Variants in EML1 observed in about 807,000 individuals in gnomAD.
The protein encoded by EML1 is echinoderm microtubule-associated protein-like 1.
A neutral mutation model predicts 110.4 loss-of-function variants in EML1; 27 were observed. The ratio of observed to expected loss-of-function variants is 0.24; its 90% confidence interval spans 0.18 to 0.34. The LOEUF (loss-of-function observed/expected upper bound fraction) is 0.34. Ranked by LOEUF, EML1 falls within the 10% of genes least tolerant of loss-of-function variation. EML1 has a pLI of 1.00. For missense variants in EML1, 741 were observed against 1,030.9 expected, an observed-to-expected ratio of 0.72 and a Z score of 3.85; for synonymous variants, 344 against 385.8, an observed-to-expected ratio of 0.89 and a Z score of 1.27.
At chr14:99,925,077 A>G (rs1278882506) in intron 17 of EML1, among the ~76,000 whole-genome samples, 1 of 152,136 alleles carries the variant, frequency 6.6e-6, no homozygotes, top group Non-Finnish European at 1.5e-5. Context: ...TGAGAGTACT[A>G]CCGGCCTTAC....
intron 20 of EML1, 134 bp downstream of exon 20, chr14:99,938,046 C>T (rs1375420742): frequency 1.8e-5 from 15 of 829,866 alleles, no homozygotes; most frequent in Middle Eastern, 2.3e-4. Flanking sequence ...CCATGAGACA[C>T]ACCTCCTGCC....
In EML1 at chr14:99,816,871, G is replaced by A. The variant is rs565515732; in HGVS notation, c.67+23328G>A. Among the ~76,000 whole-genome samples the A allele has an allele frequency of 8.0e-4, 122 of 152,288 alleles. 2 individuals are homozygous for A. Among genetic ancestry groups the A allele is most frequent in the African/African-American group, 2.9e-3 (120 of 41,542 alleles). On this transcript the variant is annotated intron_variant, in intron 1 of 21. Transcript: ENST00000262233. The stretch of plus-strand genomic sequence containing the variant: ...TCTCAAGCTTTTTGGTCTGTCTTGC[G>A]TTTAAATGGCTGTTCTCCCAGGCTT...
chr14:99,737,957 G>A, intron 1 of EML1: 1 of 1,200,596 alleles, frequency 8.3e-7, no homozygotes, highest in Non-Finnish European at 1.1e-6. Flanking sequence ...GCTGCAGGCA[G>A]CTGTGAGCTG....
chr14:99,876,596 C>T (rs897585311), intron 3 of EML1, among the ~76,000 whole-genome samples: 5 of 152,172 alleles, frequency 3.3e-5, no homozygotes, highest in East Asian at 1.9e-4. Context: ...CCTCTGCATC[C>T]GTGGCTCAGC....
rs28539641 is a variant in EML1 at position 99,914,059 on chromosome 14, A to T, written c.1495-120A>T. 0.12 allele frequency: 138,111 copies of T among 1,191,736 alleles called. 9,118 individuals are homozygous for T. The highest frequency in any genetic ancestry group is 0.21 in the African/African-American group (13,661 of 64,582). 73.8% of individuals were successfully genotyped at this position (1,191,736 alleles called of 1,614,324 possible). A position where few individuals can be genotyped will look rare whatever the true frequency, so the allele number is the denominator to read the frequency against. On this transcript the variant is annotated intron_variant, in intron 13 of 21. Transcript: ENST00000262233. ...ACATATATATTTGAACGTACATTAT[A>T]TACATATGTGTATATAAAACTGTTA...
intron 4 of EML1, among the ~76,000 whole-genome samples, chr14:99,886,889 G>A (rs1210230130): frequency 6.6e-6 from 1 of 152,242 alleles, no homozygotes; most frequent in Non-Finnish European, 1.5e-5. Context: ...GCAAATAGGA[G>A]CTTTATCAGA....
intron 15 of EML1, among the ~76,000 whole-genome samples, chr14:99,917,354 G>A (rs1252153831): frequency 6.6e-6 from 1 of 152,150 alleles, no homozygotes; most frequent in African/African-American, 2.4e-5. Flanking sequence ...AGGATCACTT[G>A]AGCCCAGGAA....
In EML1 at chr14:99,760,671, G is replaced by T. The variant is rs192173388; in HGVS notation, c.28+22811G>T. ...TGATTTTCCCTTTCTCCCTGAAAGG[G>T]CTTTGCAGACAGACTGGGAGCCTGC... On this transcript the variant is annotated intron_variant, in intron 1 of 10. Coordinates refer to the EML1 transcript ENST00000554479. Among the ~76,000 whole-genome samples the T allele has an allele frequency of 1.1e-4, 16 of 152,224 alleles. No individual in the cohort carries two copies. The South Asian group carries it at 2.1e-3, about 20-fold the overall frequency.
At chr14:99,914,887 C>A in intron 15 of EML1, 190 bp downstream of exon 15, 1 of 717,376 alleles carries the variant, frequency 1.4e-6, no homozygotes, top group South Asian at 2.1e-5. Context: ...GTGGCCTCAG[C>A]CATGTAATTT....
chr14:99,838,205 A>G (rs907191248), intron 1 of EML1, among the ~76,000 whole-genome samples: 8 of 152,236 alleles, frequency 5.3e-5, no homozygotes, highest in Non-Finnish European at 1.0e-4. Context: ...GAAGACAACT[A>G]AATTTTTGGA....
intron 1 of EML1, among the ~76,000 whole-genome samples, chr14:99,817,611 T>C (rs2058190711): frequency 6.6e-6 from 1 of 152,198 alleles, no homozygotes; most frequent in African/African-American, 2.4e-5. Context: ...TGAAGGGGTC[T>C]CAGGGACTCA....
chr14:99,889,281 G>C (rs933073354), intron 4 of EML1, among the ~76,000 whole-genome samples: 1 of 152,158 alleles, frequency 6.6e-6, no homozygotes, highest in African/African-American at 2.4e-5. Flanking sequence ...GGATTGCTGA[G>C]AGCCGACCCC....
Position 99,925,189 on chromosome 14 carries a change from A to ACTACCTGG in EML1, c.1909+4313_1909+4320dup, listed in dbSNP as rs200437248. On this transcript the variant is annotated intron_variant, in intron 17 of 21. Transcript: ENST00000262233. The stretch of plus-strand genomic sequence containing the variant: ...ACAGAATGTATGTGAATTTGGTGAA[A>ACTACCTGG]CTACCTGGGCCTTTCTTTGTGGGAA... Among the ~76,000 whole-genome samples, 1,285 of 152,138 alleles carry ACTACCTGG rather than the reference A, an allele frequency of 8.4e-3. 65 individuals carry two copies. Among genetic ancestry groups the ACTACCTGG allele is most frequent in the Admixed American group, 0.077 (1,176 of 15,264 alleles).
chr14:99,792,959 G>A (rs944048734), upstream of EML1: 9 of 152,128 alleles, frequency 5.9e-5, no homozygotes, highest in African/African-American at 2.2e-4. Flanking sequence ...CGGGAACAGC[G>A]CGTCGGGGGC....
chr14:99,836,434 A>G (rs535494224), intron 1 of EML1, among the ~76,000 whole-genome samples: 1 of 152,196 alleles, frequency 6.6e-6, no homozygotes, highest in Non-Finnish European at 1.5e-5. Context: ...GATTTTCTAC[A>G]TAGACATTTA....
At chr14:99,750,999 G>T (rs932647303) in intron 1 of EML1, among the ~76,000 whole-genome samples, 1 of 152,086 alleles carries the variant, frequency 6.6e-6, no homozygotes, top group Admixed American at 6.5e-5. Flanking sequence ...AAATGAACTG[G>T]CTGGAGCAAA....
At chr14:99,795,291 G>C (rs2139668195) in intron 1 of EML1, among the ~76,000 whole-genome samples, 1 of 152,286 alleles carries the variant, frequency 6.6e-6, no homozygotes, top group African/African-American at 2.4e-5. Flanking sequence ...TAGAGATATT[G>C]GCATGGTATT....
chr14:99,758,179 G>A (rs192108305), intron 1 of EML1, among the ~76,000 whole-genome samples: 3 of 152,286 alleles, frequency 2.0e-5, no homozygotes, highest in Admixed American at 2.0e-4. Flanking sequence ...CTGTCTCAGA[G>A]GTGCTTACAC....
At chr14:99,850,511 A>G (rs1232525944) in intron 1 of EML1, among the ~76,000 whole-genome samples, 1 of 152,152 alleles carries the variant, frequency 6.6e-6, no homozygotes, top group Non-Finnish European at 1.5e-5. Context: ...AGTGTGTGGG[A>G]AGTTGAAGTG....
Sources: gnomAD v4.1 joint callset for allele counts (sites outside exome capture counted in the v4.1 genomes callset) on GRCh38, gnomAD v4.1.1 for gene constraint, MANE v1.5 for transcripts, NCBI Gene and HGNC (gene_info 2026-07-23, HGNC 2026-07-21) for gene names.